Variants in PECR observed in about 807,000 individuals in gnomAD.
PECR encodes peroxisomal trans-2-enoyl-CoA reductase, also known as 2,4-dienoyl-CoA reductase-related protein.
PECR carries 30 observed loss-of-function variants against 35.3 expected under a neutral mutation model. The observed-to-expected ratio is 0.85, with a 90% confidence interval of 0.64 to 1.15. PECR has a LOEUF of 1.15. Ranked by LOEUF, PECR falls within the 50% of genes most tolerant of loss-of-function variation. The pLI, the probability that PECR is intolerant of heterozygous loss-of-function variation, is 0.00. For synonymous variants in PECR, 148 were observed against 138.9 expected, an observed-to-expected ratio of 1.07 and a Z score of -0.46; for missense variants, 392 against 370.8, an observed-to-expected ratio of 1.06 and a Z score of -0.47.
chr2:216,040,294 G>A (rs13014210), intron 7 of PECR, among the ~76,000 whole-genome samples: 66,497 of 151,754 alleles, frequency 0.44, 16,080 homozygotes, highest in Non-Finnish European at 0.52. Flanking sequence ...ACAGGGTCTT[G>A]CTCTGTCAGC....
chr2:216,052,286 G>A (rs2105951336), intron 4 of PECR, among the ~76,000 whole-genome samples: 1 of 152,276 alleles, frequency 6.6e-6, no homozygotes, highest in South Asian at 2.1e-4. Context: ...TTTAATGTGA[G>A]AAAATTAACT....
chr2:216,047,446 A>G (rs1273950632), intron 6 of PECR, among the ~76,000 whole-genome samples: 1 of 152,022 alleles, frequency 6.6e-6, no homozygotes, highest in African/African-American at 2.4e-5. Context: ...TATATAATAC[A>G]GGATAGGGAG....
intron 6 of PECR, among the ~76,000 whole-genome samples, chr2:216,045,288 C>T (rs896616942): frequency 3.9e-5 from 6 of 152,164 alleles, no homozygotes; most frequent in Admixed American, 1.3e-4. Context: ...CTATCTAAAA[C>T]GAGGCCATTA....
chr2:216,038,070 G>T (rs1694827173), downstream of PECR, among the ~76,000 whole-genome samples: 1 of 152,082 alleles, frequency 6.6e-6, no homozygotes, highest in Non-Finnish European at 1.5e-5. Flanking sequence ...GGGTGACAGA[G>T]TGAGACTCCA....
At chr2:216,033,050 AT>A (rs1217843554) in intron 7 of PECR, 1 of 152,178 alleles carries the variant, frequency 6.6e-6, no homozygotes, top group Non-Finnish European at 1.5e-5. Flanking sequence ...CATTTTACAC[AT>A]TTTAAACCTT....
chr2:216,072,573 T>C (rs1390778004), intron 1 of PECR, among the ~76,000 whole-genome samples: 1 of 152,200 alleles, frequency 6.6e-6, no homozygotes, highest in Non-Finnish European at 1.5e-5. Flanking sequence ...ACTCTGTATG[T>C]CCATGTGTAC....
At chr2:216,053,786 A>G (rs1200195278) in intron 4 of PECR, among the ~76,000 whole-genome samples, 2 of 152,136 alleles carry the variant, frequency 1.3e-5, no homozygotes, top group African/African-American at 2.4e-5. Context: ...GACCTTCTCT[A>G]TTGCCTCTTA....
At chr2:216,042,437 G>C (rs1445782653) in intron 7 of PECR, among the ~76,000 whole-genome samples, 1 of 152,204 alleles carries the variant, frequency 6.6e-6, no homozygotes, top group Non-Finnish European at 1.5e-5. Context: ...CTGGGTCCTT[G>C]ATATGAAATT....
chr2:216,048,932 G>T (rs1695049243), intron 6 of PECR, among the ~76,000 whole-genome samples: 1 of 150,986 alleles, frequency 6.6e-6, no homozygotes, highest in African/African-American at 2.4e-5. Flanking sequence ...ATCTCATGTG[G>T]AACTTCATAT....
downstream of PECR, among the ~76,000 whole-genome samples, chr2:216,035,612 T>G (rs1181715753): frequency 1.3e-5 from 2 of 151,766 alleles, no homozygotes; most frequent in East Asian, 2.0e-4. Flanking sequence ...TTAGCTTCAC[T>G]AGTAGCTGGG....
rs2105948961 is a variant in PECR, at chr2:216,049,361, A to C, written c.616T>G (p.Ser206Ala). 1 of 1,461,552 alleles carries C rather than the reference A, an allele frequency of 6.8e-7. No individual in the cohort carries two copies. Among genetic ancestry groups the C allele is most frequent in the East Asian group, 2.3e-5 (1 of 44,140 alleles). 90.5% of individuals were successfully genotyped at this position (1,461,552 alleles called of 1,614,324 possible). The change falls in exon 6 of 8, where the codon TCC (serine) becomes GCC (alanine). Residue 206 changes from serine to alanine, a missense_variant. Ser to Ala is a moderately conservative substitution (Grantham distance 99, BLOSUM62 1). Transcript: ENST00000265322. ...INCVAPGVIYSQTAVENYGSW... is the reference protein window; with the variant it reads ...INCVAPGVIYAQTAVENYGSW... The stretch of plus-strand genomic sequence containing the variant: ...CCATAGTTCTCCACAGCAGTCTGGG[A>C]ATAAATAACTCCCTGTGTTTAAAAA...
At chr2:216,065,685 C>G (rs1448987150) in intron 2 of PECR, among the ~76,000 whole-genome samples, 1 of 152,164 alleles carries the variant, frequency 6.6e-6, no homozygotes, top group Non-Finnish European at 1.5e-5. Context: ...CCACAGATCA[C>G]AAAGCTAAAA....
At chr2:216,080,999 A>G (rs772033657) in intron 1 of PECR, among the ~76,000 whole-genome samples, 5 of 152,162 alleles carry the variant, frequency 3.3e-5, no homozygotes, top group Non-Finnish European at 7.4e-5. Flanking sequence ...CAAAACCAAC[A>G]AACAATTTAT....
At chr2:216,029,206 G>A (rs1442201439) in intron 7 of PECR, among the ~76,000 whole-genome samples, 1 of 152,112 alleles carries the variant, frequency 6.6e-6, no homozygotes, top group Non-Finnish European at 1.5e-5. Context: ...CTGGCCAGGC[G>A]TGGTGGCTCA....
chr2:216,032,968 G>A (rs538293288), intron 7 of PECR: 6 of 152,166 alleles, frequency 3.9e-5, no homozygotes, highest in South Asian at 4.2e-4. Context: ...CTGCTCAGAC[G>A]GGCTGGTGTT....
intron 1 of PECR, among the ~76,000 whole-genome samples, chr2:216,074,493 A>G (rs1350173012): frequency 7.5e-6 from 1 of 133,000 alleles, no homozygotes; most frequent in East Asian, 2.3e-4. Context: ...AGAAAGAAAA[A>G]AAGGAAGGAA....
At chr2:216,073,083 G>C (rs541048345) in intron 1 of PECR, among the ~76,000 whole-genome samples, 1 of 152,242 alleles carries the variant, frequency 6.6e-6, no homozygotes, top group Non-Finnish European at 1.5e-5. Context: ...AGCAAAAATT[G>C]GAAAGATTCA....
At chr2:216,050,218 T>C (rs1487912935) in intron 5 of PECR, among the ~76,000 whole-genome samples, 1 of 152,078 alleles carries the variant, frequency 6.6e-6, no homozygotes. Flanking sequence ...CAAGACCTTG[T>C]CTCAAACATT....
chr2:216,074,142 A>C (rs1695639524), intron 1 of PECR, among the ~76,000 whole-genome samples: 1 of 152,224 alleles, frequency 6.6e-6, no homozygotes, highest in South Asian at 2.1e-4. Context: ...TCTATAGGGC[A>C]GGGATGAAAA....
Sources: gnomAD v4.1 joint callset for allele counts (sites outside exome capture counted in the v4.1 genomes callset) on GRCh38, gnomAD v4.1.1 for gene constraint, MANE v1.5 for transcripts, NCBI Gene and HGNC (gene_info 2026-07-23, HGNC 2026-07-21) for gene names.